The following RNF180 variants were observed in gnomAD, a reference collection of about 807,000 sequenced individuals.
RNF180 encodes the protein E3 ubiquitin-protein ligase RNF180.
RNF180 carries 38 observed loss-of-function variants against 59.2 expected under a neutral mutation model. That is an observed-to-expected ratio of 0.64 (90% CI 0.50 to 0.84). The LOEUF (loss-of-function observed/expected upper bound fraction) is 0.84. Ranked by LOEUF, RNF180 falls within the 40% of genes least tolerant of loss-of-function variation. The pLI, the probability that RNF180 is intolerant of heterozygous loss-of-function variation, is 0.00. For missense variants in RNF180, 705 were observed against 700.9 expected (o/e 1.01, Z -0.07); for synonymous variants, 262 against 240.3 (o/e 1.09, Z -0.84).
intron 2 of RNF180, among the ~76,000 whole-genome samples, chr5:64,206,139 A>T (rs1368410275): frequency 6.6e-6 from 1 of 152,194 alleles, no homozygotes; most frequent in African/African-American, 2.4e-5. Context: ...ATATATCCAT[A>T]TGTAAAGACC....
intron 5 of RNF180, among the ~76,000 whole-genome samples, chr5:64,230,387 G>T (rs944306001): frequency 3.3e-5 from 5 of 152,198 alleles, no homozygotes; most frequent in Non-Finnish European, 5.9e-5. Flanking sequence ...GGCTCCAGGG[G>T]AGAGTCTGTT....
intron 7 of RNF180, among the ~76,000 whole-genome samples, chr5:64,339,617 G>C (rs1283352871): frequency 6.6e-6 from 1 of 151,944 alleles, no homozygotes; most frequent in Non-Finnish European, 1.5e-5. Flanking sequence ...GTAGATGGAA[G>C]TAAGGTGGAA....
At chr5:64,187,056 AC>A (rs1030922994) in intron 1 of RNF180, among the ~76,000 whole-genome samples, 3 of 152,202 alleles carry the variant, frequency 2.0e-5, no homozygotes, top group Non-Finnish European at 4.4e-5. Flanking sequence ...TAATCAGAAC[AC>A]ATGTCTGCAT....
At chr5:64,301,534 T>C (rs994679909) in intron 5 of RNF180, among the ~76,000 whole-genome samples, 2 of 151,776 alleles carry the variant, frequency 1.3e-5, no homozygotes, top group Admixed American at 1.3e-4. Context: ...AAAAAGAGAA[T>C]GGTTAGATCT....
At chr5:64,180,621 G>T (rs1006574806) in intron 1 of RNF180, among the ~76,000 whole-genome samples, 1 of 152,172 alleles carries the variant, frequency 6.6e-6, no homozygotes, top group Non-Finnish European at 1.5e-5. Context: ...GTCTTAGGTT[G>T]AGAGGAATTT....
chr5:64,358,853 C>T (rs113064699), intron 7 of RNF180, among the ~76,000 whole-genome samples: 7,550 of 147,858 alleles, frequency 0.051, 625 homozygotes, highest in African/African-American at 0.17. Context: ...TCTCATTGTT[C>T]AGTTCCCACC....
At chr5:64,356,049 A>G (rs1383066254) in intron 7 of RNF180, among the ~76,000 whole-genome samples, 1 of 151,838 alleles carries the variant, frequency 6.6e-6, no homozygotes, top group Non-Finnish European at 1.5e-5. Context: ...TGAGGCCGGG[A>G]GTTCAAGACC....
intron 5 of RNF180, among the ~76,000 whole-genome samples, chr5:64,266,625 A>G (rs548020852): frequency 2.0e-5 from 3 of 152,176 alleles, no homozygotes; most frequent in African/African-American, 7.2e-5. Flanking sequence ...GTAGGAAAAG[A>G]CATAAGGTGG....
At chr5:64,344,276 AAAG>A (rs1745467755) in intron 7 of RNF180, among the ~76,000 whole-genome samples, 1 of 152,046 alleles carries the variant, frequency 6.6e-6, no homozygotes, top group South Asian at 2.1e-4. Context: ...ACAGTAATCA[AAAG>A]AAAGCAGCTG....
At chr5:64,270,165 G>T (rs1358770235) in intron 5 of RNF180, among the ~76,000 whole-genome samples, 1 of 151,930 alleles carries the variant, frequency 6.6e-6, no homozygotes, top group Non-Finnish European at 1.5e-5. Context: ...ATTAATATTT[G>T]CCTTGTCTAT....
chr5:64,356,634 G>A (rs1746038954), intron 7 of RNF180, among the ~76,000 whole-genome samples: 1 of 151,728 alleles, frequency 6.6e-6, no homozygotes, highest in African/African-American at 2.4e-5. Context: ...TAAAAATGTG[G>A]TATATACATA....
At position 64,341,878 on chromosome 5, in the gene RNF180, TACA is replaced by T. The variant is rs1360740503; in HGVS notation, c.1579+11476_1579+11478del. On this transcript the variant is annotated intron_variant, in intron 7 of 7. Coordinates refer to ENST00000389100, the MANE Select transcript of RNF180 (RefSeq NM_001113561.2). ...GAAAAGTTATAGCAGATCTGATCTA[TACA>T]ACATTTGAGACACAGTAGCAAAAGG... Among the ~76,000 whole-genome samples the T allele has an allele frequency of 1.2e-4, 19 of 152,294 alleles. 4 individuals are homozygous for T. Among genetic ancestry groups the T allele is most frequent in the African/African-American group, 4.6e-4 (19 of 41,572 alleles).
intron 5 of RNF180, among the ~76,000 whole-genome samples, chr5:64,229,883 G>T (rs1338421473): frequency 6.6e-6 from 1 of 152,188 alleles, no homozygotes; most frequent in African/African-American, 2.4e-5. Flanking sequence ...GTTTAGCAGA[G>T]TTTCTTAACT....
At chr5:64,259,721 G>A (rs1337646790) in intron 5 of RNF180, among the ~76,000 whole-genome samples, 1 of 152,052 alleles carries the variant, frequency 6.6e-6, no homozygotes. Context: ...TCAGGAGTTC[G>A]AAACCAGCCC....
intron 6 of RNF180, 118 bp from the exon 7 acceptor site, chr5:64,330,163 C>T (rs1411105878): frequency 5.6e-6 from 4 of 716,142 alleles, no homozygotes; most frequent in Non-Finnish European, 9.2e-6. Flanking sequence ...TCTTCACTGA[C>T]TTAAAGAGGT....
In RNF180 at chr5:64,213,884, G is replaced by T. The variant is rs1752459086; in HGVS notation, c.558G>T (p.Val186=). The T allele has an allele frequency of 2.5e-6, 4 of 1,614,068 alleles. No individual in the cohort carries two copies. The East Asian group carries it at 8.9e-5, about 36-fold the overall frequency. ...TAACAGAAGCACTCTGCCTGGAGGT[G>T]CGACCAACATATTTTGAGATGAAGA... The part of the protein sequence containing the change: ...GRLTEALCLE[V]RPTYFEMKNE... The change falls in exon 4 of 8, where the codon GTG becomes GTT. Residue 186 remains valine, a synonymous_variant. Coordinates refer to ENST00000389100, the MANE Select transcript of RNF180 (RefSeq NM_001113561.2).
intron 1 of RNF180, among the ~76,000 whole-genome samples, chr5:64,198,293 A>G (rs116783792): frequency 5.2e-4 from 79 of 152,278 alleles, no homozygotes; most frequent in African/African-American, 1.8e-3. Flanking sequence ...TAGCTACTGT[A>G]TAGAATAGCT....
At chr5:64,367,847 A>G (rs908572473) in intron 7 of RNF180, among the ~76,000 whole-genome samples, 2 of 151,718 alleles carry the variant, frequency 1.3e-5, no homozygotes, top group Middle Eastern at 3.2e-3. Context: ...GTTCCCTAAC[A>G]TGAATAAACA....
intron 5 of RNF180, among the ~76,000 whole-genome samples, chr5:64,284,380 T>G (rs1408616193): frequency 1.3e-5 from 2 of 152,218 alleles, no homozygotes; most frequent in Non-Finnish European, 1.5e-5. Context: ...CCCTGCATTT[T>G]TGTGAATATG....
Sources: allele counts gnomAD v4.1 joint callset (sites outside exome capture counted in the v4.1 genomes callset), GRCh38; gene constraint gnomAD v4.1.1; transcripts MANE v1.5; gene names NCBI Gene and HGNC (gene_info 2026-07-23, HGNC 2026-07-21).